The following ZNF792 variants were observed in gnomAD, a reference collection of about 807,000 sequenced individuals.
The protein encoded by ZNF792 is zinc finger protein 792.
A neutral mutation model predicts 13.1 loss-of-function variants in ZNF792; 14 were observed. The ratio of observed to expected loss-of-function variants is 1.07; its 90% CI spans 0.71 to 1.67. The LOEUF (loss-of-function observed/expected upper bound fraction) is 1.67, where lower values mean the gene tolerates loss of function less well. Among genes scored for constraint, ZNF792 ranks in the 40% most tolerant of loss-of-function variants. ZNF792 has a pLI of 0.00. For synonymous variants in ZNF792, 257 were observed against 292.0 expected, an observed-to-expected ratio of 0.88 and a Z score of 1.22; for missense variants, 740 against 807.9, an observed-to-expected ratio of 0.92 and a Z score of 1.02.
chr19:34,961,023 G>T (rs568229853), intron 1 of ZNF792, 29 bp from the exon 2 acceptor site: 1 of 1,599,740 alleles, frequency 6.3e-7, no homozygotes, highest in Admixed American at 1.7e-5. Flanking sequence ...TTCGTTCCAT[G>T]ATCAGTCTCT....
chr19:34,963,156 G>C, intron 1 of ZNF792, among the ~76,000 whole-genome samples: 1 of 152,134 alleles, frequency 6.6e-6, no homozygotes. Context: ...AGCCTGTTAA[G>C]ACCTGAGTCA....
At position 34,961,026 on chromosome 19, in the gene ZNF792, C is replaced by G. The variant is rs527629396; in HGVS notation, c.34-32G>C. 2.7e-5 allele frequency: 43 copies of G among 1,595,590 alleles called. No individual in the cohort carries two copies. In the African/African-American group the frequency reaches 5.6e-4, roughly 21 times the overall value. ...TGATGGGGACAGTTCGTTCCATGATCAGTCTCTGTCCTTGGGACTCCCTAT... is the reference window on the plus strand; with the variant it reads ...TGATGGGGACAGTTCGTTCCATGATGAGTCTCTGTCCTTGGGACTCCCTAT... On this transcript the variant is annotated intron_variant, in intron 1 of 3. Coordinates refer to ENST00000404801, the MANE Select transcript of ZNF792 (RefSeq NM_175872.5).
At chr19:34,960,478 A>G in intron 2 of ZNF792, 121 bp from the exon 3 acceptor site, 1 of 1,254,066 alleles carries the variant, frequency 8.0e-7, no homozygotes, top group Non-Finnish European at 1.1e-6. Context: ...GGCAAGCAGT[A>G]ACCACATCAG....
intron 1 of ZNF792, 113 bp downstream of exon 1, chr19:34,963,517 C>T: frequency 6.8e-7 from 1 of 1,469,800 alleles, no homozygotes; most frequent in Non-Finnish European, 9.3e-7. Flanking sequence ...GACTCAAAAG[C>T]AAGGAAATGG....
Position 34,958,774 on chromosome 19 carries a change from T to C in ZNF792, c.1081A>G (p.Thr361Ala). Residue 361 changes from threonine (T) to alanine (A), a missense_variant, in exon 4 of 4, where the codon ACT becomes GCT. Thr to Ala is a moderately conservative substitution (Grantham distance 58). Transcript: ENST00000404801. Reference protein sequence around the residue: ...SNLIQHKRVHTGEKPYECSDC... With the variant: ...SNLIQHKRVHAGEKPYECSDC... Reference sequence around the variant, plus strand: ...CTGCACTCATATGGCTTTTCACCAGTGTGAACCCTCTTATGCTGAATGAGG... The same window carrying C: ...CTGCACTCATATGGCTTTTCACCAGCGTGAACCCTCTTATGCTGAATGAGG... 6.2e-7 allele frequency: 1 copy of C among 1,614,114 alleles called. No individual in the cohort carries two copies.
At position 34,958,582 on chromosome 19, in the gene ZNF792, T is replaced by C. The variant is rs34687332; in HGVS notation, c.1273A>G (p.Asn425Asp). The change falls in exon 4 of 4, where the codon AAC (asparagine) becomes GAC (aspartate). Residue 425 changes from asparagine (N) to aspartate (D), a missense_variant. Physicochemically the swap from Asn to Asp is conservative, Grantham distance 23 (BLOSUM62 1). Coordinates refer to ENST00000404801, the MANE Select transcript of ZNF792 (RefSeq NM_175872.5). ...TGGCTGAAGAATTTCCCACATTCGT[T>C]ACACTTGTAAGGTCTTTCTCCAGTG... is the stretch of plus-strand genomic sequence containing the variant. Reference protein sequence around the residue: ...VHTGERPYKCNECGKFFSHIA... With the variant: ...VHTGERPYKCDECGKFFSHIA... 0.05 allele frequency: 80,380 copies of C among 1,605,260 alleles called. 2,443 individuals are homozygous for C. Among genetic ancestry groups the C allele is most frequent in the South Asian group, 0.1 (9,241 of 89,834 alleles).
In ZNF792 at chr19:34,963,847, G is replaced by A; in HGVS notation, c.-185C>T. 3.0e-6 allele frequency: 2 copies of A among 660,056 alleles called. No homozygotes were observed. Among genetic ancestry groups the A allele is most frequent in the Non-Finnish European group, 4.9e-6 (2 of 411,234 alleles). 40.9% of individuals were successfully genotyped at this position (660,056 alleles called of 1,614,324 possible). ...AATGCGCAAGGGGCCCGGGGCGCAGGCTCCGGGGGCGCCGAGAGCGCGCAG... is the reference window on the plus strand; with the variant it reads ...AATGCGCAAGGGGCCCGGGGCGCAGACTCCGGGGGCGCCGAGAGCGCGCAG... On this transcript the variant is annotated 5_prime_UTR_variant, in exon 1 of 4. Coordinates refer to ENST00000404801, the MANE Select transcript of ZNF792 (RefSeq NM_175872.5).
chr19:34,957,674 C>A lies in ZNF792; in HGVS notation c.*282G>T, dbSNP rs1448931023. 8.2e-6 allele frequency: 3 copies of A among 366,460 alleles called. No individual in the cohort carries two copies. Among genetic ancestry groups the A allele is most frequent in the Non-Finnish European group, 1.5e-5 (3 of 204,798 alleles). 22.7% of individuals were successfully genotyped at this position (366,460 alleles called of 1,614,324 possible). ...CAAAACCCTGCTCAGGTCTTCACAG[C>A]CAAAAGCTGGTCATGTCCATGGCTA... is the stretch of plus-strand genomic sequence containing the variant. On this transcript the variant is annotated 3_prime_UTR_variant, in exon 4 of 4. Coordinates refer to ENST00000404801, the MANE Select transcript of ZNF792 (RefSeq NM_175872.5).
rs1280515851 is a variant in ZNF792, at chr19:34,960,993, C to A, written c.35G>T (p.Gly12Val). Residue 12 changes from glycine (G) to valine (V), a missense_variant and splice_region_variant, in exon 2 of 4, where the codon GGC becomes GTC. By Grantham distance (109) the Gly-to-Val change is moderately radical. Coordinates refer to ENST00000404801, the MANE Select transcript of ZNF792 (RefSeq NM_175872.5). ...AAAALRDPAQ[G>V]CVTFEDVTIY... ...GGTCACGTCCTCAAAGGTCACGCAG[C>A]CCTGCCATGATGGGGACAGTTCGTT... 6.2e-7 allele frequency: 1 copy of A among 1,612,464 alleles called. No homozygotes were observed. Among genetic ancestry groups the A allele is most frequent in the Admixed American group, 1.7e-5 (1 of 59,936 alleles).
At chr19:34,960,087 A>G (rs1469377578) in intron 3 of ZNF792, 148 bp downstream of exon 3, 3 of 1,177,792 alleles carry the variant, frequency 2.5e-6, no homozygotes, top group Non-Finnish European at 3.5e-6. Flanking sequence ...ACAAGTAGAT[A>G]ATGTGTCAAG....
chr19:34,958,798 G>A lies in ZNF792; in HGVS notation c.1057C>T (p.Leu353Phe). Residue 353 changes from leucine (L) to phenylalanine (F), a missense_variant, in exon 4 of 4, where the codon CTC becomes TTC. By Grantham distance (22) the Leu-to-Phe change is conservative. Transcript: ENST00000404801. ...CGKFFSRSSNLIQHKRVHTGE... is the reference protein window; with the variant it reads ...CGKFFSRSSNFIQHKRVHTGE... Reference sequence around the variant, plus strand: ...GTGTGAACCCTCTTATGCTGAATGAGGTTGGAGCTTCGGCTGAAGAATTTC... The same window carrying A: ...GTGTGAACCCTCTTATGCTGAATGAAGTTGGAGCTTCGGCTGAAGAATTTC... 1.2e-6 allele frequency: 2 copies of A among 1,614,070 alleles called. No individual in the cohort carries two copies. Among genetic ancestry groups the A allele is most frequent in the Non-Finnish European group, 1.7e-6 (2 of 1,179,980 alleles).
chr19:34,963,727 C>T lies in ZNF792; in HGVS notation c.-65G>A, dbSNP rs1600244844. 1.8e-5 allele frequency: 27 copies of T among 1,490,210 alleles called. No individual in the cohort carries two copies. The East Asian group carries it at 6.6e-4, about 37-fold the overall frequency. The allele number at this position is 1,490,210 out of a possible 1,614,324, so 92.3% of individuals were successfully genotyped here. A position where few individuals can be genotyped will look rare whatever the true frequency, so the allele number is the denominator to read the frequency against. ...ACCACGGGGCGGGGGTAGGGGGTCT[C>T]GCAGGCTGAGGCTACCACCCACCTG... is the stretch of plus-strand genomic sequence containing the variant. On this transcript the variant is annotated 5_prime_UTR_variant, in exon 1 of 4. Transcript: ENST00000404801.
intron 2 of ZNF792, 189 bp downstream of exon 2, chr19:34,960,679 G>A (rs1407087477): frequency 3.4e-6 from 3 of 883,450 alleles, no homozygotes; most frequent in Admixed American, 2.5e-5. Context: ...CAGCAGGTGT[G>A]GGGGCAGCTC....
At position 34,958,448 on chromosome 19, in the gene ZNF792, CTGA is replaced by C; in HGVS notation, c.1404_1406del (p.His468del). 6.2e-7 allele frequency: 1 copy of C among 1,608,816 alleles called. No individual in the cohort carries two copies. The highest frequency in any genetic ancestry group is 8.5e-7 in the Non-Finnish European group (1 of 1,177,084). The stretch of plus-strand genomic sequence containing the variant: ...AAGGCCGCTCACCAGTGTGAACTCG[CTGA>C]TGTTTCATGAGGTCAGAGCTTCGGC... On this transcript the variant is annotated inframe_deletion, in exon 4 of 4. Transcript: ENST00000404801.
rs776094355 is a variant in ZNF792 at position 34,958,740 on chromosome 19, C to G, written c.1115G>C (p.Gly372Ala). 1.2e-6 allele frequency: 2 copies of G among 1,614,068 alleles called. No homozygotes were observed. The highest frequency in any genetic ancestry group is 2.2e-5 in the South Asian group (2 of 91,090). Reference protein sequence around the residue: ...GEKPYECSDCGKFFSQRSNLI... With the variant: ...GEKPYECSDCAKFFSQRSNLI... Reference sequence around the variant, plus strand: ...GTTGGAACGCTGGCTGAAGAACTTCCCACAGTCGCTGCACTCATATGGCTT... The same window carrying G: ...GTTGGAACGCTGGCTGAAGAACTTCGCACAGTCGCTGCACTCATATGGCTT... Residue 372 changes from glycine (G) to alanine (A), a missense_variant, in exon 4 of 4, where the codon GGG becomes GCG. Coordinates refer to ENST00000404801, the MANE Select transcript of ZNF792 (RefSeq NM_175872.5).
At chr19:34,963,523 A>C (rs1363305334) in intron 1 of ZNF792, 107 bp downstream of exon 1, 16 of 1,488,380 alleles carry the variant, frequency 1.1e-5, no homozygotes, top group South Asian at 3.6e-5. Flanking sequence ...AAAGCAAGGA[A>C]ATGGGAAAGG....
Position 34,959,571 on chromosome 19 carries a change from T to C in ZNF792, c.284A>G (p.Asp95Gly), listed in dbSNP as rs148907270. Residue 95 changes from aspartate to glycine, a missense_variant and splice_region_variant, in exon 4 of 4, where the codon GAT becomes GGT. Transcript: ENST00000404801. ...CTTGCCCTCTGTTCCATGGCAAAAA[T>C]CTGAAAGCAGAGAAATGCTGGTGAA... ...ARGAYGRPGSDFCHGTEGKDL... is the reference protein window; with the variant it reads ...ARGAYGRPGSGFCHGTEGKDL... 261 of 1,518,130 alleles carry C rather than the reference T, an allele frequency of 1.7e-4. No homozygotes were observed. In the African/African-American group the frequency reaches 3.5e-3, roughly 20 times the overall value. The allele number at this position is 1,518,130 out of a possible 1,614,324, so 94.0% of individuals were successfully genotyped here.
Position 34,959,561 on chromosome 19 carries a change from A to T in ZNF792, c.294T>A (p.His98Gln). The stretch of plus-strand genomic sequence containing the variant: ...AAGGTAAGTCCTTGCCCTCTGTTCC[A>T]TGGCAAAAATCTGAAAGCAGAGAAA... ...AYGRPGSDFCHGTEGKDLPSE... is the reference protein window; with the variant it reads ...AYGRPGSDFCQGTEGKDLPSE... The change falls in exon 4 of 4, where the codon CAT becomes CAA. Residue 98 changes from histidine to glutamine, a missense_variant. His to Gln is a conservative substitution (Grantham distance 24). Coordinates refer to ENST00000404801, the MANE Select transcript of ZNF792 (RefSeq NM_175872.5). The T allele has an allele frequency of 6.6e-7, 1 of 1,521,024 alleles. No homozygotes were observed. Among genetic ancestry groups the T allele is most frequent in the Non-Finnish European group, 8.8e-7 (1 of 1,135,862 alleles). 94.2% of individuals were successfully genotyped at this position (1,521,024 alleles called of 1,614,324 possible).
At position 34,957,872 on chromosome 19, in the gene ZNF792, C is replaced by A. The variant is rs2013454751; in HGVS notation, c.*84G>T. ...GGTGCTGACATGGCTTCTATCACAACCCCAGCAGTGAAAAAACGCTGATAA... is the reference window on the plus strand; with the variant it reads ...GGTGCTGACATGGCTTCTATCACAAACCCAGCAGTGAAAAAACGCTGATAA... On this transcript the variant is annotated 3_prime_UTR_variant, in exon 4 of 4. Coordinates refer to ENST00000404801, the MANE Select transcript of ZNF792 (RefSeq NM_175872.5). 1.4e-6 allele frequency: 2 copies of A among 1,384,670 alleles called. No individual in the cohort carries two copies. The highest frequency in any genetic ancestry group is 1.9e-6 in the Non-Finnish European group (2 of 1,032,216). The allele number at this position is 1,384,670 out of a possible 1,614,324, so 85.8% of individuals were successfully genotyped here.
Sources: gnomAD v4.1 joint callset for allele counts (sites outside exome capture counted in the v4.1 genomes callset) on GRCh38, gnomAD v4.1.1 for gene constraint, MANE v1.5 for transcripts, NCBI Gene and HGNC (gene_info 2026-07-23, HGNC 2026-07-21) for gene names.